Variants in CTNND2 observed in about 807,000 individuals in gnomAD.
CTNND2 encodes catenin delta 2, also known as catenin delta-2.
Under a neutral mutation model 144.4 loss-of-function variants are expected in CTNND2, and 22 were observed. The ratio of observed to expected loss-of-function variants is 0.15; its 90% confidence interval spans 0.11 to 0.22. The LOEUF (loss-of-function observed/expected upper bound fraction) is 0.22, where lower values mean the gene tolerates loss of function less well. Among genes scored for constraint, CTNND2 ranks in the 10% least tolerant of loss-of-function variants. CTNND2 has a pLI of 1.00. For missense variants in CTNND2, 1,353 were observed against 1,618.8 expected, an observed-to-expected ratio of 0.84 and a Z score of 2.82; for synonymous variants, 751 against 695.6, an observed-to-expected ratio of 1.08 and a Z score of -1.25.
At chr5:11,430,422 T>TAA (rs5865939) in intron 3 of CTNND2, among the ~76,000 whole-genome samples, 323 of 127,060 alleles carry the variant, frequency 2.5e-3, no homozygotes, top group Non-Finnish European at 4.1e-3. Flanking sequence ...ATGACTTGAT[T>TAA]AAAAAAAAAA....
intron 1 of CTNND2, among the ~76,000 whole-genome samples, chr5:11,788,648 C>T (rs1790968297): frequency 6.6e-6 from 1 of 152,066 alleles, no homozygotes; most frequent in African/African-American, 2.4e-5. Context: ...AAGCACAGTG[C>T]TCATGCATAC....
At chr5:11,397,692 G>A (rs577272477) in intron 5 of CTNND2, among the ~76,000 whole-genome samples, 1 of 152,256 alleles carries the variant, frequency 6.6e-6, no homozygotes, top group South Asian at 2.1e-4. Flanking sequence ...TGCCTGAAGG[G>A]TAGACAGTGT....
chr5:11,895,040 G>A (rs554872881), intron 1 of CTNND2, among the ~76,000 whole-genome samples: 2 of 152,222 alleles, frequency 1.3e-5, no homozygotes, highest in South Asian at 2.1e-4. Flanking sequence ...CTGAGAGCAG[G>A]GGGAGAAGGT....
intron 2 of CTNND2, among the ~76,000 whole-genome samples, chr5:11,581,183 C>G (rs1778400166): frequency 6.6e-6 from 1 of 152,096 alleles, no homozygotes. Context: ...ACCAGACTTA[C>G]CTACGCTACA....
chr5:11,631,655 G>A (rs1581636492), intron 2 of CTNND2, among the ~76,000 whole-genome samples: 1 of 152,188 alleles, frequency 6.6e-6, no homozygotes, highest in East Asian at 1.9e-4. Flanking sequence ...GCTCCATGTT[G>A]TAGAAGCTCC....
chr5:11,002,724 C>A (rs565162469), intron 18 of CTNND2, among the ~76,000 whole-genome samples: 5 of 152,270 alleles, frequency 3.3e-5, no homozygotes, highest in African/African-American at 1.2e-4. Flanking sequence ...AAACTTGACC[C>A]TGATGGGGTG....
chr5:11,579,365 T>C (rs1260054916), intron 2 of CTNND2, among the ~76,000 whole-genome samples: 1 of 152,202 alleles, frequency 6.6e-6, no homozygotes, highest in Non-Finnish European at 1.5e-5. Flanking sequence ...CCCGTCTACA[T>C]TGCTCCAATG....
chr5:11,342,554 T>C (rs1754382113), intron 9 of CTNND2, among the ~76,000 whole-genome samples: 1 of 152,230 alleles, frequency 6.6e-6, no homozygotes, highest in South Asian at 2.1e-4. Context: ...GCTTTCGAGA[T>C]AGTGTACACC....
At chr5:11,872,458 T>C (rs1412650021) in intron 1 of CTNND2, among the ~76,000 whole-genome samples, 2 of 152,186 alleles carry the variant, frequency 1.3e-5, no homozygotes, top group Non-Finnish European at 2.9e-5. Flanking sequence ...GGAATCGCCA[T>C]ACTGTCTTCC....
intron 1 of CTNND2, among the ~76,000 whole-genome samples, chr5:11,844,952 AG>A (rs556852107): frequency 1.3e-5 from 2 of 151,884 alleles, no homozygotes; most frequent in Non-Finnish European, 2.9e-5. Flanking sequence ...GGAGGGGGGC[AG>A]GGGGGCAGGG....
intron 16 of CTNND2, among the ~76,000 whole-genome samples, chr5:11,048,906 G>C (rs970799658): frequency 6.6e-6 from 1 of 152,214 alleles, no homozygotes; most frequent in African/African-American, 2.4e-5. Flanking sequence ...GGACCATGCT[G>C]TGTTGTGAGG....
rs181004355 is a variant in CTNND2, at chr5:11,114,067, C to T, written c.2278-3024G>A. On this transcript the variant is annotated intron_variant, in intron 13 of 21. Transcript: ENST00000304623. ...CTCTGCATCAAAAAGTGGACTGGCA[C>T]GAAAGCAGGTAAACTCAGGGCGATG... is the stretch of plus-strand genomic sequence containing the variant. Among the ~76,000 whole-genome samples, 194 of 152,122 alleles carry T rather than the reference C, an allele frequency of 1.3e-3. 1 individual carries two copies. Among genetic ancestry groups the T allele is most frequent in the African/African-American group, 4.4e-3 (182 of 41,480 alleles).
intron 2 of CTNND2, among the ~76,000 whole-genome samples, chr5:11,585,282 A>G (rs1778758979): frequency 1.3e-5 from 2 of 152,146 alleles, no homozygotes; most frequent in African/African-American, 2.4e-5. Flanking sequence ...TGCTGCCTGT[A>G]ACTGACCACT....
At chr5:11,686,999 T>C (rs1396791137) in intron 2 of CTNND2, among the ~76,000 whole-genome samples, 1 of 152,040 alleles carries the variant, frequency 6.6e-6, no homozygotes, top group Non-Finnish European at 1.5e-5. Flanking sequence ...GTGCCCTTTA[T>C]AACTACTTGT....
At chr5:11,119,905 G>A (rs1332813416) in intron 12 of CTNND2, among the ~76,000 whole-genome samples, 1 of 152,058 alleles carries the variant, frequency 6.6e-6, no homozygotes. Context: ...TTTGGAGGCA[G>A]GCTGCCTCCC....
chr5:11,680,443 A>C (rs1561687363), intron 2 of CTNND2, among the ~76,000 whole-genome samples: 2 of 152,240 alleles, frequency 1.3e-5, no homozygotes, highest in Non-Finnish European at 2.9e-5. Context: ...GAAAGAGACC[A>C]GGGCAGCTGC....
chr5:11,289,386 T>C (rs1023624123), intron 9 of CTNND2, among the ~76,000 whole-genome samples: 3 of 152,220 alleles, frequency 2.0e-5, no homozygotes, highest in African/African-American at 7.2e-5. Flanking sequence ...AAACATTCTA[T>C]GCTTTTTAAC....
rs547645742 is a variant in CTNND2 at position 11,046,611 on chromosome 5, A to C, written c.2789-23632T>G. ...TCTATTTTGCTTTATTTGACAAATA[A>C]TCATGTCTCATCAGTCATATGGAAT... is the stretch of plus-strand genomic sequence containing the variant. On this transcript the variant is annotated intron_variant, in intron 16 of 21. Coordinates refer to ENST00000304623, the MANE Select transcript of CTNND2 (RefSeq NM_001332.4). Among the ~76,000 whole-genome samples, 6 of 152,252 alleles carry C rather than the reference A, an allele frequency of 3.9e-5. No individual in the cohort carries two copies. The South Asian group carries it at 1.2e-3, about 31-fold the overall frequency.
intron 3 of CTNND2, among the ~76,000 whole-genome samples, chr5:11,537,407 A>C (rs1774308751): frequency 6.6e-6 from 1 of 152,162 alleles, no homozygotes; most frequent in Admixed American, 6.6e-5. Context: ...CTCCTTATAC[A>C]ACTGAGAAAT....
Sources: allele counts gnomAD v4.1 joint callset (sites outside exome capture counted in the v4.1 genomes callset), GRCh38; gene constraint gnomAD v4.1.1; transcripts MANE v1.5; gene names NCBI Gene and HGNC (gene_info 2026-07-23, HGNC 2026-07-21).